The following SGCB variants were observed in gnomAD, a reference collection of about 807,000 sequenced individuals.
SGCB encodes the protein sarcoglycan beta.
SGCB carries 25 observed loss-of-function variants against 27.3 expected under a neutral mutation model. The ratio of observed to expected loss-of-function variants is 0.92; its 90% CI spans 0.67 to 1.28. The LOEUF (loss-of-function observed/expected upper bound fraction) is 1.28, where lower values mean the gene tolerates loss of function less well. Ranked by LOEUF, SGCB falls within the 50% of genes most tolerant of loss-of-function variation. The probability of loss-of-function intolerance (pLI) is 0.00; values close to 1 mark genes in which losing one functional copy is unlikely to be tolerated. For synonymous variants in SGCB, 147 were observed against 133.5 expected (o/e 1.10, Z -0.70); for missense variants, 436 against 402.1 (o/e 1.08, Z -0.72).
At position 52,029,865 on chromosome 4, in the gene SGCB, T is replaced by C; in HGVS notation, c.244-2A>G. 3.7e-6 allele frequency: 6 copies of C among 1,612,166 alleles called. No individual in the cohort carries two copies. In the East Asian group the frequency reaches 8.9e-5, roughly 24 times the overall value. On this transcript the variant is annotated splice_acceptor_variant, in intron 2 of 5. Coordinates refer to ENST00000381431, the MANE Select transcript of SGCB (RefSeq NM_000232.5). LOFTEE classifies it high-confidence loss of function. Reference sequence around the variant, plus strand: ...CACGGCCCAAATAACAAGTGTTATCTGAAAAAGAACACAAGTCCACTGTTG... The same window carrying C: ...CACGGCCCAAATAACAAGTGTTATCCGAAAAAGAACACAAGTCCACTGTTG...
intron 2 of SGCB, among the ~76,000 whole-genome samples, chr4:52,032,142 C>CT (rs1280830962): frequency 1.3e-5 from 2 of 152,130 alleles, no homozygotes; most frequent in African/African-American, 4.8e-5. Context: ...GGGTAGCTGT[C>CT]TAACTGCTGG....
Position 52,027,316 on chromosome 4 carries a change from T to TA in SGCB, c.753+651dup, listed in dbSNP as rs562578572. Reference sequence around the variant, plus strand: ...ATGGCACATGAAATACCATACCTGTTAAAGTTCAGATTTAATCTGTTAAGC... The same window carrying TA: ...ATGGCACATGAAATACCATACCTGTTAAAAGTTCAGATTTAATCTGTTAAGC... On this transcript the variant is annotated intron_variant, in intron 5 of 5. Transcript: ENST00000381431. Among the ~76,000 whole-genome samples, 148 of 152,230 alleles carry TA rather than the reference T, an allele frequency of 9.7e-4. 2 individuals carry two copies. The South Asian group carries it at 0.029, about 30-fold the overall frequency.
chr4:52,027,205 T>G (rs1296078052), intron 5 of SGCB, among the ~76,000 whole-genome samples: 2 of 152,164 alleles, frequency 1.3e-5, no homozygotes, highest in Non-Finnish European at 2.9e-5. Flanking sequence ...TCGCTTTAAT[T>G]AAATAGCATA....
At position 52,038,281 on chromosome 4, in the gene SGCB, G is replaced by A. The variant is rs1193500619; in HGVS notation, c.-22C>T. 11 of 1,291,500 alleles carry A rather than the reference G, an allele frequency of 8.5e-6. No individual in the cohort carries two copies. The highest frequency in any genetic ancestry group is 1.1e-5 in the Non-Finnish European group (11 of 1,017,698). 80.0% of individuals were successfully genotyped at this position (1,291,500 alleles called of 1,614,324 possible). A position where few individuals can be genotyped will look rare whatever the true frequency, so the allele number is the denominator to read the frequency against. On this transcript the variant is annotated 5_prime_UTR_variant, in exon 1 of 6. Coordinates refer to ENST00000381431, the MANE Select transcript of SGCB (RefSeq NM_000232.5). ...CCATCTTCCCGCGCCCGCCGCCGCC[G>A]AGCTCCCCGCCCGACTGTGCCCGCC...
chr4:52,024,105 C>G lies in SGCB; in HGVS notation c.809G>C (p.Ser270Thr), dbSNP rs748986456. 6.2e-7 allele frequency: 1 copy of G among 1,614,154 alleles called. No individual in the cohort carries two copies. Among genetic ancestry groups the G allele is most frequent in the Non-Finnish European group, 8.5e-7 (1 of 1,180,008 alleles). Residue 270 changes from serine (S) to threonine (T), a missense_variant, in exon 6 of 6, where the codon AGT becomes ACT. By Grantham distance (58) the Ser-to-Thr change is moderately conservative. Coordinates refer to ENST00000381431, the MANE Select transcript of SGCB (RefSeq NM_000232.5). ...SVMVSTTRLP[S>T]SSSGDQLGSG... is the part of the protein sequence containing the mutation. Reference sequence around the variant, plus strand: ...ACCCAACTGGTCTCCACTGGAGGAACTGGGTAGGCGGGTGGTGCTGACCAT... The same window carrying G: ...ACCCAACTGGTCTCCACTGGAGGAAGTGGGTAGGCGGGTGGTGCTGACCAT...
At position 52,023,943 on chromosome 4, in the gene SGCB, C is replaced by A. The variant is rs1737017875; in HGVS notation, c.*14G>T. 1.2e-6 allele frequency: 2 copies of A among 1,608,924 alleles called. No homozygotes were observed. The highest frequency in any genetic ancestry group is 1.7e-6 in the Non-Finnish European group (2 of 1,175,526). The stretch of plus-strand genomic sequence containing the variant: ...AGTCAAGATATAAACATGTTGGTGA[C>A]CTCTGGGGTTCTTTTAATGAGTGTT... On this transcript the variant is annotated 3_prime_UTR_variant, in exon 6 of 6. Transcript: ENST00000381431.
Position 52,033,565 on chromosome 4 carries a change from T to C in SGCB, c.109A>G (p.Asn37Asp). 1 of 1,613,858 alleles carries C rather than the reference T, an allele frequency of 6.2e-7. No individual in the cohort carries two copies. The highest frequency in any genetic ancestry group is 8.5e-7 in the Non-Finnish European group (1 of 1,179,732). Residue 37 changes from asparagine (N) to aspartate (D), a missense_variant, in exon 2 of 6, where the codon AAC becomes GAC. Transcript: ENST00000381431. ...VERRSVNKEHNSNFKAGYIPI... is the reference protein window; with the variant it reads ...VERRSVNKEHDSNFKAGYIPI... ...ATGTATCCAGCTTTAAAGTTACTGT[T>C]GTGCTCTTTATTGACACTCCTTCTC...
chr4:52,038,101 C>G, intron 1 of SGCB, 126 bp downstream of exon 1: 1 of 236,482 alleles, frequency 4.2e-6, no homozygotes, highest in Non-Finnish European at 6.6e-6. Context: ...CCCCGATCGG[C>G]CCCGCCGAAC....
At chr4:52,038,110 A>C in intron 1 of SGCB, 117 bp downstream of exon 1, 12 of 602,714 alleles carry the variant, frequency 2.0e-5, no homozygotes, top group Non-Finnish European at 2.3e-5. Flanking sequence ...GCCCCGCCGA[A>C]CCCAGACCCT....
intron 3 of SGCB, among the ~76,000 whole-genome samples, chr4:52,029,147 A>G (rs1737184697): frequency 6.6e-6 from 1 of 152,244 alleles, no homozygotes; most frequent in Non-Finnish European, 1.5e-5. Flanking sequence ...CTCTGCAAAA[A>G]TGCATGAGTC....
rs752400779 is a variant in SGCB, at chr4:52,029,896, CCG to C, written c.244-35_244-34del. The C allele has an allele frequency of 2.0e-6, 3 of 1,493,066 alleles. No individual in the cohort carries two copies. The South Asian group carries it at 3.4e-5, about 17-fold the overall frequency. 92.5% of individuals were successfully genotyped at this position (1,493,066 alleles called of 1,614,324 possible). On this transcript the variant is annotated intron_variant, in intron 2 of 5. Coordinates refer to ENST00000381431, the MANE Select transcript of SGCB (RefSeq NM_000232.5). ...AGAACACAAGTCCACTGTTGGTAGG[CCG>C]CATACATTTAATGTAATTGGAAAAC...
rs868151547 is a variant in SGCB, at chr4:52,028,006, T to C, written c.715A>G (p.Ile239Val). ...NEGVFIMGKTIEFHMGGNMEL... is the reference protein window; with the variant it reads ...NEGVFIMGKTVEFHMGGNMEL... ...ATATTACCACCCATGTGAAATTCAA[T>C]GGTTTTGCCCATAATGAATACACCT... is the stretch of plus-strand genomic sequence containing the variant. The change falls in exon 5 of 6, where the codon ATT (isoleucine) becomes GTT (valine). Residue 239 changes from isoleucine (I) to valine (V), a missense_variant. Transcript: ENST00000381431. The C allele has an allele frequency of 1.8e-5, 29 of 1,613,834 alleles. No individual in the cohort carries two copies. In the Admixed American group the frequency reaches 2.7e-4, roughly 15 times the overall value.
chr4:52,024,827 CAAAAAAAAAAAAAA>C (rs3050627), intron 5 of SGCB, among the ~76,000 whole-genome samples: 1,830 of 55,986 alleles, frequency 0.033, 56 homozygotes, highest in African/African-American at 0.15. Context: ...GACACTGTCT[CAAAAAAAAAAAAAA>C]AAAAAAAAAA....
In SGCB at chr4:52,038,223, A is replaced by G. The variant is rs1737452134; in HGVS notation, c.33+4T>C. The G allele has an allele frequency of 1.6e-6, 2 of 1,269,176 alleles. No individual in the cohort carries two copies. The highest frequency in any genetic ancestry group is 2.0e-6 in the Non-Finnish European group (2 of 1,004,600). The allele number at this position is 1,269,176 out of a possible 1,614,324, so 78.6% of individuals were successfully genotyped here. A position where few individuals can be genotyped will look rare whatever the true frequency, so the allele number is the denominator to read the frequency against. Reference sequence around the variant, plus strand: ...AGCCCGCGGCCGCGGCGGTACTCACAGACCTGTTCTGCAGCCGCCGCCGCC... The same window carrying G: ...AGCCCGCGGCCGCGGCGGTACTCACGGACCTGTTCTGCAGCCGCCGCCGCC... On this transcript the variant is annotated splice_donor_region_variant and intron_variant, in intron 1 of 5. Transcript: ENST00000381431.
rs1736980599 is a variant in SGCB at position 52,022,557 on chromosome 4, CAG to C, written c.*1398_*1399del. ...TACAATGGGATAGTAATATTAGGAG[CAG>C]AGATAAATTATTATCCTTACCTAAA... is the stretch of plus-strand genomic sequence containing the variant. On this transcript the variant is annotated 3_prime_UTR_variant, in exon 6 of 6. Transcript: ENST00000381431. 1 of 152,168 alleles carries C rather than the reference CAG, an allele frequency of 6.6e-6. No homozygotes were observed. Among genetic ancestry groups the C allele is most frequent in the Non-Finnish European group, 1.5e-5 (1 of 68,026 alleles). The allele number at this position is 152,168 out of a possible 1,614,324, so 9.4% of individuals were successfully genotyped here.
chr4:52,032,412 C>T (rs1393825094), intron 2 of SGCB, among the ~76,000 whole-genome samples: 2 of 152,110 alleles, frequency 1.3e-5, no homozygotes, highest in Non-Finnish European at 2.9e-5. Flanking sequence ...CAGTTGCTTC[C>T]GACTTTCTTC....
chr4:52,033,439 T>C lies in SGCB; in HGVS notation c.235A>G (p.Asn79Asp). ...TTCTTACAAATACTCACTATTAAATTGATGACAGCCAGGATAAACAAGAGG... is the reference window on the plus strand; with the variant it reads ...TTCTTACAAATACTCACTATTAAATCGATGACAGCCAGGATAAACAAGAGG... ...IILLFILAVI[N>D]LIITLVIWAV... Residue 79 changes from asparagine to aspartate, a missense_variant, in exon 2 of 6, where the codon AAT becomes GAT. Coordinates refer to ENST00000381431, the MANE Select transcript of SGCB (RefSeq NM_000232.5). The C allele has an allele frequency of 6.2e-7, 1 of 1,607,394 alleles. No homozygotes were observed. The highest frequency in any genetic ancestry group is 8.5e-7 in the Non-Finnish European group (1 of 1,173,866).
intron 1 of SGCB, 56 bp from the exon 2 acceptor site, chr4:52,033,696 T>C (rs1231929943): frequency 7.3e-7 from 1 of 1,361,214 alleles, no homozygotes; most frequent in Non-Finnish European, 1.0e-6. Context: ...TTGGTGCATT[T>C]ATCTATTAGG....
intron 5 of SGCB, among the ~76,000 whole-genome samples, chr4:52,026,017 G>C (rs1038438523): frequency 1.3e-5 from 2 of 152,162 alleles, no homozygotes; most frequent in African/African-American, 4.8e-5. Context: ...GTAACTCTTA[G>C]TTCAGAGGAG....
Sources: allele counts gnomAD v4.1 joint callset (sites outside exome capture counted in the v4.1 genomes callset), GRCh38; gene constraint gnomAD v4.1.1; transcripts MANE v1.5; gene names NCBI Gene and HGNC (gene_info 2026-07-23, HGNC 2026-07-21).